PCDH15: variants seen among roughly 807,000 people sequenced by gnomAD.
PCDH15 encodes the protein protocadherin-15.
PCDH15 carries 129 observed loss-of-function variants against 178.5 expected under a neutral mutation model. The ratio of observed to expected loss-of-function variants is 0.72; its 90% CI spans 0.63 to 0.84. PCDH15 has a LOEUF of 0.84. Among genes scored for constraint, PCDH15 ranks in the 40% least tolerant of loss-of-function variants. The pLI is 0.00. For synonymous variants in PCDH15, 800 were observed against 732.0 expected (o/e 1.09, Z -1.50); for missense variants, 2,230 against 2,099.9 (o/e 1.06, Z -1.21).
intron 23 of PCDH15, among the ~76,000 whole-genome samples, chr10:53,945,870 T>C (rs1033675846): frequency 1.1e-5 from 1 of 91,854 alleles, no homozygotes; most frequent in South Asian, 3.9e-4. Flanking sequence ...TATATATATA[T>C]ATATATATAT....
At chr10:54,341,948 G>T (rs868317941) in intron 6 of PCDH15, among the ~76,000 whole-genome samples, 20 of 152,308 alleles carry the variant, frequency 1.3e-4, no homozygotes, top group Middle Eastern at 6.8e-3. Flanking sequence ...TTCAAGATGT[G>T]ACCTGTCTTT....
intron 9 of PCDH15, among the ~76,000 whole-genome samples, chr10:54,235,643 T>C (rs909644271): frequency 2.0e-5 from 3 of 152,152 alleles, no homozygotes; most frequent in African/African-American, 7.2e-5. Context: ...GTGCCTTAAA[T>C]ATTGTATTTT....
intron 2 of PCDH15, among the ~76,000 whole-genome samples, chr10:55,143,840 G>C (rs1163350905): frequency 6.6e-6 from 1 of 151,986 alleles, no homozygotes; most frequent in Non-Finnish European, 1.5e-5. Flanking sequence ...ACAGGAGATA[G>C]TGATTCAAAT....
At chr10:55,195,315 G>A (rs1015200379) in intron 1 of PCDH15, among the ~76,000 whole-genome samples, 1 of 151,570 alleles carries the variant, frequency 6.6e-6, no homozygotes, top group Non-Finnish European at 1.5e-5. Flanking sequence ...GAGCCACTGC[G>A]CCCGGCCAGA....
chr10:54,727,510 C>T (rs979395794), intron 1 of PCDH15, among the ~76,000 whole-genome samples: 4 of 151,392 alleles, frequency 2.6e-5, no homozygotes, highest in South Asian at 2.1e-4. Flanking sequence ...TTCACACTAA[C>T]AACCTAACAC....
chr10:55,094,123 C>T (rs551534266), intron 2 of PCDH15, among the ~76,000 whole-genome samples: 2 of 152,176 alleles, frequency 1.3e-5, no homozygotes, highest in East Asian at 3.9e-4. Flanking sequence ...TTCACAATAG[C>T]AAAGACTTGG....
rs551555124 is a variant in PCDH15 at position 54,255,484 on chromosome 10, G to C, written c.877-18553C>G. The stretch of plus-strand genomic sequence containing the variant: ...TCAAATATCAAAATCTGAATAATTG[G>C]GCAGCCCACTTTCAGAATCTTATCA... On this transcript the variant is annotated intron_variant, in intron 8 of 37. Coordinates refer to ENST00000644397, the MANE Select transcript of PCDH15 (RefSeq NM_001384140.1). 1.6e-3 allele frequency among the ~76,000 whole-genome samples: 238 copies of C among 152,092 alleles called. 1 individual carries two copies. Among genetic ancestry groups the C allele is most frequent in the Non-Finnish European group, 2.9e-3 (195 of 67,988 alleles).
intron 1 of PCDH15, among the ~76,000 whole-genome samples, chr10:54,735,951 G>T (rs1487570936): frequency 4.1e-5 from 6 of 146,350 alleles, no homozygotes; most frequent in South Asian, 2.3e-4. Context: ...CACCAGCATG[G>T]CACATGTATA....
At chr10:54,731,720 T>A (rs1286081773) in intron 1 of PCDH15, among the ~76,000 whole-genome samples, 4 of 150,508 alleles carry the variant, frequency 2.7e-5, no homozygotes, top group Non-Finnish European at 1.5e-5. Context: ...AATTGCATGT[T>A]CTCACTCATA....
chr10:55,523,067 T>C (rs1299961750), intron 2 of PCDH15, among the ~76,000 whole-genome samples: 1 of 151,704 alleles, frequency 6.6e-6, no homozygotes, highest in Non-Finnish European at 1.5e-5. Context: ...ACTTTGTCTT[T>C]CACAGTTTTA....
At chr10:55,022,452 CA>C (rs373971818) in intron 2 of PCDH15, among the ~76,000 whole-genome samples, 8,689 of 99,278 alleles carry the variant, frequency 0.088, 290 homozygotes, top group African/African-American at 0.19. Context: ...ACTCTGTCTC[CA>C]AAAAAAAAAA....
rs998592653 is a variant in PCDH15, at chr10:54,527,739, T to C, written c.157+73A>G. The stretch of plus-strand genomic sequence containing the variant: ...ACTTTCATTTTAGTACCTCTACTCA[T>C]AGTAGATTGAGAATTAAAATCTGAA... On this transcript the variant is annotated intron_variant, in intron 3 of 37. Coordinates refer to ENST00000644397, the MANE Select transcript of PCDH15 (RefSeq NM_001384140.1). 7.9e-6 allele frequency: 10 copies of C among 1,271,908 alleles called. No individual in the cohort carries two copies. The African/African-American group carries it at 8.9e-5, about 11-fold the overall frequency. The allele number at this position is 1,271,908 out of a possible 1,614,324, so 78.8% of individuals were successfully genotyped here. A position where few individuals can be genotyped will look rare whatever the true frequency, so the allele number is the denominator to read the frequency against.
chr10:54,723,895 T>TG (rs1328215034), intron 1 of PCDH15, among the ~76,000 whole-genome samples: 1 of 151,684 alleles, frequency 6.6e-6, no homozygotes, highest in African/African-American at 2.4e-5. Flanking sequence ...CAAGAGATGT[T>TG]GGTGTGGATG....
At chr10:55,538,448 TCCTTCTTTCCTTCCTTCCTC>T (rs1841644620) in intron 2 of PCDH15, among the ~76,000 whole-genome samples, 2 of 140,670 alleles carry the variant, frequency 1.4e-5, no homozygotes, top group South Asian at 4.7e-4. Flanking sequence ...CTCCCTTCCT[TCCTTCTTTCCTTCCTTCCTC>T]CCTCCCTTCC....
At chr10:54,329,512 T>G in intron 7 of PCDH15, 84 bp downstream of exon 7, 1 of 982,630 alleles carries the variant, frequency 1.0e-6, no homozygotes, top group Non-Finnish European at 1.6e-6. Flanking sequence ...GGCACAGAGC[T>G]CTCCAAGAGT....
In PCDH15 at chr10:53,822,439, CAGGAGCAGGAGG is replaced by C. The variant is rs761936890; in HGVS notation, c.4368-2221_4368-2210del. ...ATGTCAGGAGGAGGAGCAAGAGGAG[CAGGAGCAGGAGG>C]AGGAGAAGGAGGAGAAATAGGAGGA... is the stretch of plus-strand genomic sequence containing the variant. On this transcript the variant is annotated intron_variant, in intron 32 of 37. Transcript: ENST00000644397. 69 of 1,587,340 alleles carry C rather than the reference CAGGAGCAGGAGG, an allele frequency of 4.3e-5. No homozygotes were observed. Among genetic ancestry groups the C allele is most frequent in the South Asian group, 3.3e-4 (29 of 88,594 alleles).
At chr10:55,436,608 G>A (rs1432407045) in intron 2 of PCDH15, among the ~76,000 whole-genome samples, 2 of 151,894 alleles carry the variant, frequency 1.3e-5, no homozygotes, top group African/African-American at 2.4e-5. Flanking sequence ...AACTACCATC[G>A]AGAAGTTCAA....
chr10:54,622,450 G>T (rs1401642363), intron 2 of PCDH15, among the ~76,000 whole-genome samples: 4 of 146,408 alleles, frequency 2.7e-5, no homozygotes, highest in Non-Finnish European at 6.0e-5. Context: ...GGGCATTCTG[G>T]CTTGTTTTAT....
In PCDH15 at chr10:55,255,621, C is replaced by T. The variant is rs550111835; in HGVS notation, c.-156+63978G>A. Reference sequence around the variant, plus strand: ...ACATCCTCTCCAGCACCTGTTGTTTCCTGACTTTTTAATGATCGCCATTCT... The same window carrying T: ...ACATCCTCTCCAGCACCTGTTGTTTTCTGACTTTTTAATGATCGCCATTCT... On this transcript the variant is annotated intron_variant, in intron 1 of 5. Transcript: ENST00000458638. Among the ~76,000 whole-genome samples the T allele has an allele frequency of 3.0e-4, 46 of 152,190 alleles. 1 individual carries two copies. In the East Asian group the frequency reaches 8.5e-3, roughly 28 times the overall value.
Sources: gnomAD v4.1 joint callset for allele counts (sites outside exome capture counted in the v4.1 genomes callset) on GRCh38, gnomAD v4.1.1 for gene constraint, MANE v1.5 for transcripts, NCBI Gene and HGNC (gene_info 2026-07-23, HGNC 2026-07-21) for gene names.